NSMCE2: variants seen among roughly 807,000 people sequenced by gnomAD.
NSMCE2 encodes the protein NSE2 SUMO ligase component of SMC5/6 complex, also known as E3 SUMO-protein ligase NSE2.
In NSMCE2, 24 loss-of-function variants were observed where a neutral mutation model predicts 23.8. The observed-to-expected ratio is 1.01, with a 90% confidence interval of 0.73 to 1.42. The LOEUF (loss-of-function observed/expected upper bound fraction) is 1.42. Ranked by LOEUF, NSMCE2 falls within the 40% of genes most tolerant of loss-of-function variation. The pLI is 0.00. For missense variants in NSMCE2, 284 were observed against 296.5 expected, an observed-to-expected ratio of 0.96 and a Z score of 0.31; for synonymous variants, 92 against 94.1, an observed-to-expected ratio of 0.98 and a Z score of 0.13.
intron 7 of NSMCE2, among the ~76,000 whole-genome samples, chr8:125,362,009 C>T (rs539667583): frequency 2.0e-5 from 3 of 152,334 alleles, no homozygotes; most frequent in African/African-American, 7.2e-5. Context: ...CCCCAAGACC[C>T]GGTTCCCTTT....
chr8:125,169,274 T>C (rs1278857448), intron 4 of NSMCE2, among the ~76,000 whole-genome samples: 1 of 152,240 alleles, frequency 6.6e-6, no homozygotes. Context: ...TCCTGAGAAA[T>C]AGCATCTATG....
chr8:125,319,185 A>G (rs930626703), intron 5 of NSMCE2, among the ~76,000 whole-genome samples: 1 of 152,326 alleles, frequency 6.6e-6, no homozygotes. Context: ...CACTCTGGTC[A>G]TCCTGAGCAC....
At chr8:125,337,858 G>C (rs1172983453) in intron 5 of NSMCE2, among the ~76,000 whole-genome samples, 5 of 138,352 alleles carry the variant, frequency 3.6e-5, no homozygotes, top group African/African-American at 1.3e-4. Context: ...TCGCACCATT[G>C]CCTGGGCAAG....
chr8:125,197,011 G>C (rs972402070), intron 5 of NSMCE2, among the ~76,000 whole-genome samples: 13 of 152,158 alleles, frequency 8.5e-5, no homozygotes, highest in Non-Finnish European at 1.6e-4. Context: ...TTTGGGAAGT[G>C]TCTGTTCGTA....
At chr8:125,139,843 A>G (rs1024820607) in intron 3 of NSMCE2, among the ~76,000 whole-genome samples, 3 of 152,204 alleles carry the variant, frequency 2.0e-5, no homozygotes, top group African/African-American at 7.2e-5. Context: ...TGAACCAGAC[A>G]TTCACTTTTC....
chr8:125,126,384 CGAG>C (rs1554605191), intron 3 of NSMCE2, among the ~76,000 whole-genome samples: 3 of 147,402 alleles, frequency 2.0e-5, no homozygotes, highest in Non-Finnish European at 4.5e-5. Flanking sequence ...AAAAAAAAAA[CGAG>C]GGGGACAGTT....
At chr8:125,092,569 T>C (rs1817718057) in intron 1 of NSMCE2, among the ~76,000 whole-genome samples, 1 of 152,088 alleles carries the variant, frequency 6.6e-6, no homozygotes, top group Non-Finnish European at 1.5e-5. Context: ...GGGATAATGG[T>C]AGCATGAGGG....
intron 5 of NSMCE2, among the ~76,000 whole-genome samples, chr8:125,332,582 T>C (rs1284090412): frequency 6.6e-6 from 1 of 152,238 alleles, no homozygotes; most frequent in Non-Finnish European, 1.5e-5. Context: ...GTTCTTAGGT[T>C]AGTTCTTTCC....
intron 5 of NSMCE2, among the ~76,000 whole-genome samples, chr8:125,316,701 TC>T (rs869085910): frequency 0.21 from 22,087 of 105,310 alleles, 3,249 homozygotes; most frequent in Non-Finnish European, 0.29. Flanking sequence ...CTTCTTTCCT[TC>T]CTTCCTTCTT....
At chr8:125,153,787 C>G (rs915248934) in intron 4 of NSMCE2, among the ~76,000 whole-genome samples, 1 of 152,152 alleles carries the variant, frequency 6.6e-6, no homozygotes, top group Non-Finnish European at 1.5e-5. Flanking sequence ...TGGCATTCAT[C>G]AAATTTGATG....
chr8:125,201,174 A>G (rs1209753269), intron 5 of NSMCE2, among the ~76,000 whole-genome samples: 2 of 152,152 alleles, frequency 1.3e-5, no homozygotes, highest in Non-Finnish European at 2.9e-5. Flanking sequence ...ACTTCTGTCA[A>G]CTCGTCAAAG....
intron 5 of NSMCE2, among the ~76,000 whole-genome samples, chr8:125,214,823 A>G (rs567930936): frequency 4.6e-5 from 7 of 152,110 alleles, no homozygotes. Flanking sequence ...TTCGTGTATT[A>G]ACATTTATAT....
chr8:125,292,511 G>A (rs1349344605), intron 5 of NSMCE2, among the ~76,000 whole-genome samples: 7 of 151,728 alleles, frequency 4.6e-5, no homozygotes, highest in South Asian at 2.1e-4. Context: ...CTGAGATCAC[G>A]CCATTGCACT....
At chr8:125,160,116 G>A (rs1301628624) in intron 4 of NSMCE2, among the ~76,000 whole-genome samples, 1 of 152,182 alleles carries the variant, frequency 6.6e-6, no homozygotes, top group Non-Finnish European at 1.5e-5. Flanking sequence ...GAAATTCAGA[G>A]TAAGGGAAAA....
intron 5 of NSMCE2, among the ~76,000 whole-genome samples, chr8:125,230,798 G>T (rs1286388627): frequency 6.6e-6 from 1 of 152,126 alleles, no homozygotes; most frequent in African/African-American, 2.4e-5. Context: ...CCTAATGGAG[G>T]AAATGGCAAA....
intron 4 of NSMCE2, among the ~76,000 whole-genome samples, chr8:125,153,226 A>AT (rs1220428936): frequency 6.6e-6 from 1 of 152,156 alleles, no homozygotes; most frequent in Non-Finnish European, 1.5e-5. Flanking sequence ...GGGAAGATAG[A>AT]TTTTATCTCA....
intron 5 of NSMCE2, among the ~76,000 whole-genome samples, chr8:125,222,686 A>C (rs1824917579): frequency 6.6e-6 from 1 of 152,210 alleles, no homozygotes; most frequent in African/African-American, 2.4e-5. Flanking sequence ...ATGTTGTTGC[A>C]AATGACAGAA....
At chr8:125,185,579 T>C (rs779571525) in intron 5 of NSMCE2, among the ~76,000 whole-genome samples, 1 of 152,248 alleles carries the variant, frequency 6.6e-6, no homozygotes, top group Non-Finnish European at 1.5e-5. Flanking sequence ...ATGTTGGGAT[T>C]ACAGGCGTGA....
chr8:125,320,303 A>AGGAAG lies in NSMCE2; in HGVS notation c.419-36904_419-36900dup, dbSNP rs112332324. Among the ~76,000 whole-genome samples, 193 of 117,954 alleles carry AGGAAG rather than the reference A, an allele frequency of 1.6e-3. 2 individuals carry two copies. Among genetic ancestry groups the AGGAAG allele is most frequent in the African/African-American group, 5.4e-3 (174 of 31,984 alleles). The allele number at this position is 117,954 out of a possible 152,430, so 77.4% of individuals were successfully genotyped here. On this transcript the variant is annotated intron_variant, in intron 5 of 7. Coordinates refer to ENST00000287437, the MANE Select transcript of NSMCE2 (RefSeq NM_173685.4). Reference sequence around the variant, plus strand: ...AAGGAAGGAAGGAAGGAAGGAAGGAAGGAAGGGAAGGGAAGGAAGGGAAGG... The same window carrying AGGAAG: ...AAGGAAGGAAGGAAGGAAGGAAGGAAGGAAGGGAAGGGAAGGGAAGGAAGGGAAGG...
Sources: allele counts gnomAD v4.1 joint callset (sites outside exome capture counted in the v4.1 genomes callset), GRCh38; gene constraint gnomAD v4.1.1; transcripts MANE v1.5; gene names NCBI Gene and HGNC (gene_info 2026-07-23, HGNC 2026-07-21).